MBNL2: variants seen among roughly 807,000 people sequenced by gnomAD.
The protein encoded by MBNL2 is muscleblind like splicing regulator 2.
A neutral mutation model predicts 41.9 loss-of-function variants in MBNL2; 17 were observed. The observed-to-expected ratio is 0.41, with a 90% CI of 0.28 to 0.61. MBNL2 has a LOEUF of 0.61. Ranked by LOEUF, MBNL2 falls within the 20% of genes least tolerant of loss-of-function variation. The probability of loss-of-function intolerance (pLI) is 0.35; values close to 1 mark genes in which losing one functional copy is unlikely to be tolerated. For missense variants in MBNL2, 336 were observed against 505.6 expected, an observed-to-expected ratio of 0.66 and a Z score of 3.22; for synonymous variants, 195 against 182.9, an observed-to-expected ratio of 1.07 and a Z score of -0.53.
At chr13:97,203,247 G>A in the MBNL2 span, among the ~76,000 whole-genome samples, 3 of 152,158 alleles carry the variant, frequency 2.0e-5, no homozygotes, top group Non-Finnish European at 2.9e-5. Flanking sequence ...AAATTTACCA[G>A]TGCCCATATT....
chr13:97,351,975 G>A (rs1163448423), intron 5 of MBNL2, among the ~76,000 whole-genome samples: 6 of 151,850 alleles, frequency 4.0e-5, no homozygotes, highest in Non-Finnish European at 1.5e-5. Flanking sequence ...AGTAAACTGA[G>A]GTCATGCCAC....
In MBNL2 at chr13:97,268,417, A is replaced by T. The variant is rs1243020737; in HGVS notation, c.-604-7215A>T. 6.6e-6 allele frequency among the ~76,000 whole-genome samples: 1 copy of T among 152,056 alleles called. No individual in the cohort carries two copies. The highest frequency in any genetic ancestry group is 2.4e-5 in the African/African-American group (1 of 41,406). Reference sequence around the variant, plus strand: ...CGCCGGGCCGAGAGTGTGCATTCCTAACAAGATCCCAGCGGATGCTGCTGC... The same window carrying T: ...CGCCGGGCCGAGAGTGTGCATTCCTTACAAGATCCCAGCGGATGCTGCTGC... On this transcript the variant is annotated intron_variant, in intron 1 of 8. Transcript: ENST00000679496. The surrounding 1 kb of genome is among the most constrained non-coding windows in gnomAD (Gnocchi z 4.6).
chr13:97,159,247 C>T, the MBNL2 span, among the ~76,000 whole-genome samples: 20,372 of 149,906 alleles, frequency 0.14, 3,119 homozygotes, highest in African/African-American at 0.38. Flanking sequence ...TCCATTTGCT[C>T]GGTAGATCTT....
the MBNL2 span, among the ~76,000 whole-genome samples, chr13:97,207,735 C>T: frequency 2.0e-5 from 3 of 152,182 alleles, no homozygotes; most frequent in Admixed American, 1.3e-4. Flanking sequence ...AACAGTCCCC[C>T]AAATTCTTAA....
the MBNL2 span, among the ~76,000 whole-genome samples, chr13:97,147,037 A>C: frequency 2.0e-5 from 3 of 152,204 alleles, no homozygotes; most frequent in Admixed American, 2.0e-4. Flanking sequence ...TGTTAGATAC[A>C]AGATTACATT....
chr13:97,190,782 T>C, the MBNL2 span, among the ~76,000 whole-genome samples: 1 of 152,214 alleles, frequency 6.6e-6, no homozygotes, highest in South Asian at 2.1e-4. Context: ...CTCTGAATTT[T>C]GTTCTTCAGA....
intron 1 of MBNL2, among the ~76,000 whole-genome samples, chr13:97,229,767 T>C (rs1252515748): frequency 1.3e-5 from 2 of 152,020 alleles, no homozygotes; most frequent in Admixed American, 1.3e-4. Context: ...TGTGGAAGAG[T>C]TTAATTTCAT....
intron 2 of MBNL2, among the ~76,000 whole-genome samples, chr13:97,327,037 C>G (rs2291785): frequency 0.61 from 93,280 of 151,962 alleles, 31,251 homozygotes; most frequent in African/African-American, 0.91. Context: ...ACCTTGAGAG[C>G]TTTTGAAACT....
intron 5 of MBNL2, 30 bp downstream of exon 5, chr13:97,347,097 C>A: frequency 6.7e-7 from 1 of 1,486,110 alleles, no homozygotes; most frequent in Non-Finnish European, 8.9e-7. Flanking sequence ...GCCCCTGCAC[C>A]CCGGCGCCTC....
chr13:97,143,257 A>G, the MBNL2 span, among the ~76,000 whole-genome samples: 1 of 152,220 alleles, frequency 6.6e-6, no homozygotes, highest in East Asian at 1.9e-4. Flanking sequence ...CATCTCATAT[A>G]AGCAGCTATT....
rs965669697 is a variant in MBNL2, at chr13:97,274,355, G to T, written c.-604-1277G>T. Reference sequence around the variant, plus strand: ...CTACTAAAAATACAAAAATTAGCCAGGCGTGGTGTCAGACACCTGTAGTCT... The same window carrying T: ...CTACTAAAAATACAAAAATTAGCCATGCGTGGTGTCAGACACCTGTAGTCT... On this transcript the variant is annotated intron_variant, in intron 1 of 8. Transcript: ENST00000679496. Among the ~76,000 whole-genome samples, 3 of 152,186 alleles carry T rather than the reference G, an allele frequency of 2.0e-5. No individual in the cohort carries two copies. In the East Asian group the frequency reaches 5.8e-4, roughly 30 times the overall value.
intron 1 of MBNL2, among the ~76,000 whole-genome samples, chr13:97,244,683 G>A (rs2045087023): frequency 6.6e-6 from 1 of 152,130 alleles, no homozygotes; most frequent in Non-Finnish European, 1.5e-5. Context: ...GTGCACATTG[G>A]TCAAAGAATC....
intron 1 of MBNL2, among the ~76,000 whole-genome samples, chr13:97,228,522 T>G (rs532652124): frequency 7.2e-6 from 1 of 137,966 alleles, no homozygotes; most frequent in East Asian, 2.1e-4. Context: ...GTTTTTATAT[T>G]TATTATCTTT....
intron 8 of MBNL2, among the ~76,000 whole-genome samples, chr13:97,370,058 T>C (rs1717454307): frequency 6.6e-6 from 1 of 152,178 alleles, no homozygotes; most frequent in African/African-American, 2.4e-5. Context: ...TATTCTATTA[T>C]ATACTATGTA....
the MBNL2 span, among the ~76,000 whole-genome samples, chr13:97,197,007 G>A: frequency 6.6e-6 from 1 of 152,148 alleles, no homozygotes; most frequent in Admixed American, 6.5e-5. Flanking sequence ...ATTCTGGAAT[G>A]CCAGGAAATT....
At chr13:97,239,671 G>A (rs2043911437) in intron 1 of MBNL2, among the ~76,000 whole-genome samples, 1 of 152,204 alleles carries the variant, frequency 6.6e-6, no homozygotes, top group Admixed American at 6.5e-5. Flanking sequence ...TGAAGGCTGT[G>A]GACAGAGAGA....
At chr13:97,243,044 G>A (rs950574684) in intron 1 of MBNL2, among the ~76,000 whole-genome samples, 1 of 152,168 alleles carries the variant, frequency 6.6e-6, no homozygotes, top group African/African-American at 2.4e-5. Flanking sequence ...TTGGGCATGA[G>A]CTCAGAGTGT....
chr13:97,172,289 C>G, the MBNL2 span, among the ~76,000 whole-genome samples: 1 of 152,140 alleles, frequency 6.6e-6, no homozygotes, highest in African/African-American at 2.4e-5. Flanking sequence ...TAGCCCTGGG[C>G]ACATTCCTAT....
At chr13:97,327,897 G>A (rs1323649208) in intron 2 of MBNL2, among the ~76,000 whole-genome samples, 1 of 152,146 alleles carries the variant, frequency 6.6e-6, no homozygotes, top group Non-Finnish European at 1.5e-5. Context: ...TACCTACTAT[G>A]AAAAGAAAGT....
Sources: gnomAD v4.1 joint callset for allele counts (sites outside exome capture counted in the v4.1 genomes callset) on GRCh38, gnomAD v4.1.1 for gene constraint, Gnocchi (gnomAD v3.1) non-coding constraint, MANE v1.5 for transcripts, NCBI Gene and HGNC (gene_info 2026-07-23, HGNC 2026-07-21) for gene names.